EIF5: variants seen among roughly 807,000 people sequenced by gnomAD.
The protein encoded by EIF5 is eukaryotic translation initiation factor 5.
EIF5 carries 10 observed loss-of-function variants against 48.3 expected under a neutral mutation model. That is an observed-to-expected ratio of 0.21 (90% CI 0.13 to 0.35). The LOEUF (loss-of-function observed/expected upper bound fraction) is 0.35, where lower values mean the gene tolerates loss of function less well. Among genes scored for constraint, EIF5 ranks in the 10% least tolerant of loss-of-function variants. EIF5 has a pLI of 1.00. For missense variants in EIF5, 397 were observed against 533.2 expected (o/e 0.74, Z 2.51); for synonymous variants, 237 against 173.1 (o/e 1.37, Z -2.90).
intron 10 of EIF5, 102 bp from the exon 11 acceptor site, chr14:103,340,325 C>G (rs879410394): frequency 1.5e-6 from 2 of 1,304,654 alleles, no homozygotes; most frequent in Non-Finnish European, 2.1e-6. Context: ...AGGATTCAGA[C>G]TTGTTAGGAC....
intron 2 of EIF5, chr14:103,334,983 C>T (rs1223369523): frequency 1.3e-5 from 2 of 152,268 alleles, no homozygotes; most frequent in African/African-American, 2.4e-5. Context: ...CGCGCGCCCC[C>T]CTCCTTCGCG....
Position 103,340,499 on chromosome 14 carries a change from T to C in EIF5, c.1144T>C (p.Leu382=), listed in dbSNP as rs2089340440. ...RVKAEPFIKW[L]KEAEEESSGG... ...CAAAGCAGAACCATTTATAAAATGGTTGAAGGAGGCAGAGGAAGAATCTTC... is the reference window on the plus strand; with the variant it reads ...CAAAGCAGAACCATTTATAAAATGGCTGAAGGAGGCAGAGGAAGAATCTTC... Residue 382 remains leucine (L), a synonymous_variant, in exon 11 of 12, where the codon TTG becomes CTG. Transcript: ENST00000216554. 2 of 1,612,920 alleles carry C rather than the reference T, an allele frequency of 1.2e-6. No homozygotes were observed. Among genetic ancestry groups the C allele is most frequent in the Non-Finnish European group, 1.7e-6 (2 of 1,178,956 alleles).
chr14:103,334,747 C>G (rs2089262511), intron 2 of EIF5, 150 bp downstream of exon 2: 2 of 147,742 alleles, frequency 1.4e-5, no homozygotes, highest in Admixed American at 6.7e-5. Flanking sequence ...CGCGCGCTCC[C>G]CGGCCCGGCC....
intron 8 of EIF5, 60 bp downstream of exon 8, chr14:103,338,953 TATATG>T (rs2089321263): frequency 1.9e-6 from 3 of 1,575,626 alleles, no homozygotes; most frequent in Non-Finnish European, 2.6e-6. Context: ...TGCCTTTAGA[TATATG>T]ATACTTTAGC....
chr14:103,338,933 G>T (rs1366739767), intron 8 of EIF5, 40 bp downstream of exon 8: 4 of 1,600,584 alleles, frequency 2.5e-6, no homozygotes, highest in South Asian at 1.1e-5. Context: ...CTTCAACCCA[G>T]CCTTGTTTGT....
At chr14:103,340,088 C>T (rs995707492) in intron 10 of EIF5, among the ~76,000 whole-genome samples, 7 of 152,148 alleles carry the variant, frequency 4.6e-5, no homozygotes, top group African/African-American at 1.4e-4. Flanking sequence ...AACACCTGAC[C>T]TCAGGTGATC....
Position 103,343,775 on chromosome 14 carries a change from T to C in EIF5, c.*2723T>C, listed in dbSNP as rs978770169. The C allele has an allele frequency of 6.6e-6, 1 of 152,252 alleles. No homozygotes were observed. Among genetic ancestry groups the C allele is most frequent in the Non-Finnish European group, 1.5e-5 (1 of 68,044 alleles). The allele number at this position is 152,252 out of a possible 1,614,324, so 9.4% of individuals were successfully genotyped here. A position where few individuals can be genotyped will look rare whatever the true frequency, so the allele number is the denominator to read the frequency against. ...GCTCAGTCAGTCCTCATCGTGGTCCTGAGGCATAGGTACTGTTGTACCAAG... is the reference window on the plus strand; with the variant it reads ...GCTCAGTCAGTCCTCATCGTGGTCCCGAGGCATAGGTACTGTTGTACCAAG... On this transcript the variant is annotated 3_prime_UTR_variant, in exon 12 of 12. Coordinates refer to ENST00000216554, the MANE Select transcript of EIF5 (RefSeq NM_001969.5).
chr14:103,338,927 A>T, intron 8 of EIF5, 34 bp downstream of exon 8: 1 of 1,604,596 alleles, frequency 6.2e-7, no homozygotes, highest in Non-Finnish European at 8.5e-7. Context: ...AATCAGCTTC[A>T]ACCCAGCCTT....
chr14:103,339,665 A>G lies in EIF5; in HGVS notation c.933A>G (p.Gln311=), dbSNP rs752706175. ...LRFCHNNKKA[Q]RYLLHGLECV... ...TTTGTCACAACAACAAAAAAGCCCA[A>G]CGGTACCTTCTTCATGGTTTGGAGT... The change falls in exon 10 of 12, where the codon CAA becomes CAG. Residue 311 remains glutamine (Q), a synonymous_variant. Coordinates refer to ENST00000216554, the MANE Select transcript of EIF5 (RefSeq NM_001969.5). 5.0e-6 allele frequency: 8 copies of G among 1,614,118 alleles called. No individual in the cohort carries two copies. The highest frequency in any genetic ancestry group is 1.1e-5 in the South Asian group (1 of 91,086).
At position 103,339,298 on chromosome 14, in the gene EIF5, G is replaced by C. The variant is rs751532828; in HGVS notation, c.871G>C (p.Glu291Gln). The change falls in exon 9 of 12, where the codon GAA becomes CAA. Residue 291 changes from glutamate (E) to glutamine (Q), a missense_variant. Around this residue, in one of 4 missense-constraint regions of EIF5, gnomAD observed 160 missense variants for 184.8 expected, o/e 0.87. Coordinates refer to ENST00000216554, the MANE Select transcript of EIF5 (RefSeq NM_001969.5). ...TEVLFNEKIR[E>Q]QIKKYRRHFL... is the part of the protein sequence containing the mutation. ...AGTTCTTTTTAATGAGAAGATTAGA[G>C]AACAGATTAAGAAATACAGGCGCCA... 4.1e-5 allele frequency: 66 copies of C among 1,604,974 alleles called. No individual in the cohort carries two copies. Among genetic ancestry groups the C allele is most frequent in the Non-Finnish European group, 5.5e-5 (65 of 1,177,910 alleles).
At chr14:103,336,919 C>T (rs753722520) in intron 5 of EIF5, 70 bp downstream of exon 5, 1 of 1,503,662 alleles carries the variant, frequency 6.7e-7, no homozygotes, top group South Asian at 1.3e-5. Context: ...AAGTCACCTT[C>T]CTGAGAAGGC....
intron 8 of EIF5, 82 bp from the exon 9 acceptor site, chr14:103,339,090 C>T (rs1415726452): frequency 3.3e-6 from 5 of 1,516,644 alleles, no homozygotes; most frequent in South Asian, 1.3e-5. Context: ...AAAATATGTT[C>T]ATCAGAGCAG....
In EIF5 at chr14:103,334,274, A is replaced by C. The variant is rs1038567834; in HGVS notation, c.-418+14A>C. 2 of 152,188 alleles carry C rather than the reference A, an allele frequency of 1.3e-5. No homozygotes were observed. Among genetic ancestry groups the C allele is most frequent in the Non-Finnish European group, 2.9e-5 (2 of 68,154 alleles). The allele number at this position is 152,188 out of a possible 1,614,324, so 9.4% of individuals were successfully genotyped here. Reference sequence around the variant, plus strand: ...AACATTCCAGAGGTGAGTCCGGTGAAGGGGCGGCCCCCTGCCCGGTGCTTC... The same window carrying C: ...AACATTCCAGAGGTGAGTCCGGTGACGGGGCGGCCCCCTGCCCGGTGCTTC... On this transcript the variant is annotated intron_variant, in intron 1 of 11. Coordinates refer to ENST00000216554, the MANE Select transcript of EIF5 (RefSeq NM_001969.5).
In EIF5 at chr14:103,335,880, G is replaced by A. The variant is rs2089278843; in HGVS notation, c.20G>A (p.Arg7His). 6.2e-7 allele frequency: 1 copy of A among 1,614,002 alleles called. No homozygotes were observed. The highest frequency in any genetic ancestry group is 1.7e-5 in the Admixed American group (1 of 59,994). Residue 7 changes from arginine (R) to histidine (H), a missense_variant, in exon 3 of 12, where the codon CGC becomes CAC. By Grantham distance (29) the Arg-to-His change is conservative. Transcript: ENST00000216554. ...GCCAAAATGTCTGTCAATGTCAACC[G>A]CAGCGTGTCAGACCAGTTCTATCGC... is the stretch of plus-strand genomic sequence containing the variant. MSVNVN[R>H]SVSDQFYRYK...
intron 9 of EIF5, 85 bp from the exon 10 acceptor site, chr14:103,339,554 C>T (rs878889812): frequency 1.3e-6 from 2 of 1,588,948 alleles, no homozygotes; most frequent in Non-Finnish European, 1.7e-6. Context: ...GGGCCATGCA[C>T]TTGCAGACAC....
chr14:103,340,978 G>A lies in EIF5; in HGVS notation c.1222G>A (p.Ala408Thr). The change falls in exon 12 of 12, where the codon GCT (alanine) becomes ACT (threonine). Residue 408 changes from alanine (A) to threonine (T), a missense_variant. Physicochemically the swap from Ala to Thr is moderately conservative, Grantham distance 58. Coordinates refer to ENST00000216554, the MANE Select transcript of EIF5 (RefSeq NM_001969.5). The stretch of plus-strand genomic sequence containing the variant: ...CTCTTAACAGGTGGTGTATTCGAAG[G>A]CTGCCAGTGTACCGAAAGTTGAGAC... ...DENIEVVYSK[A>T]ASVPKVETVK... 6.2e-7 allele frequency: 1 copy of A among 1,614,118 alleles called. No individual in the cohort carries two copies. The highest frequency in any genetic ancestry group is 8.5e-7 in the Non-Finnish European group (1 of 1,179,980).
chr14:103,337,366 A>C, intron 6 of EIF5, 139 bp downstream of exon 6: 1 of 706,502 alleles, frequency 1.4e-6, no homozygotes. Flanking sequence ...GCATTTTGGG[A>C]GGCCAGGGCG....
Position 103,341,368 on chromosome 14 carries a change from G to A in EIF5, c.*316G>A, listed in dbSNP as rs2089350848. 3 of 214,690 alleles carry A rather than the reference G, an allele frequency of 1.4e-5. No individual in the cohort carries two copies. The South Asian group carries it at 2.4e-4, about 17-fold the overall frequency. 13.3% of individuals were successfully genotyped at this position (214,690 alleles called of 1,614,324 possible). ...GATTTTGGTCGTTCTTCAGATGTTT[G>A]GCTCTGAATGACTTAAGCTGAAGTA... On this transcript the variant is annotated 3_prime_UTR_variant, in exon 12 of 12. Transcript: ENST00000216554.
chr14:103,341,260 C>T lies in EIF5; in HGVS notation c.*208C>T. 2.1e-6 allele frequency: 1 copy of T among 486,534 alleles called. No homozygotes were observed. Among genetic ancestry groups the T allele is most frequent in the Non-Finnish European group, 3.7e-6 (1 of 268,072 alleles). 30.1% of individuals were successfully genotyped at this position (486,534 alleles called of 1,614,324 possible). A position where few individuals can be genotyped will look rare whatever the true frequency, so the allele number is the denominator to read the frequency against. On this transcript the variant is annotated 3_prime_UTR_variant, in exon 12 of 12. Transcript: ENST00000216554. ...CACATCAGTGAGCAGATGTAGTTTG[C>T]TTATTTATAGCATGTTTCTTTTTGA...
Sources: gnomAD v4.1 joint callset for allele counts (sites outside exome capture counted in the v4.1 genomes callset) on GRCh38, gnomAD v4.1.1 for gene constraint, gnomAD v4.1.1 regional missense constraint, MANE v1.5 for transcripts, NCBI Gene and HGNC (gene_info 2026-07-23, HGNC 2026-07-21) for gene names.